GPC6: variants seen among roughly 807,000 people sequenced by gnomAD.
GPC6 encodes the protein glypican-6.
GPC6 carries 14 observed loss-of-function variants against 55.2 expected under a neutral mutation model. The ratio of observed to expected loss-of-function variants is 0.25; its 90% CI spans 0.17 to 0.40. The LOEUF is 0.40. Among genes scored for constraint, GPC6 ranks in the 10% least tolerant of loss-of-function variants. GPC6 has a pLI of 1.00. For missense variants in GPC6, 641 were observed against 708.5 expected, an observed-to-expected ratio of 0.90 and a Z score of 1.08; for synonymous variants, 278 against 259.6, an observed-to-expected ratio of 1.07 and a Z score of -0.68.
intron 4 of GPC6, among the ~76,000 whole-genome samples, chr13:94,039,357 A>T (rs1883451783): frequency 6.6e-6 from 1 of 151,960 alleles, no homozygotes; most frequent in Admixed American, 6.6e-5. Context: ...GTAAGACTAG[A>T]TAGGTCATCT....
chr13:93,237,412 C>G lies in GPC6; in HGVS notation c.160+9796C>G, dbSNP rs11839597. ...CATGTCATTTACACACTTTTTAATG[C>G]GATTATTCATTTTATTCTTGCTGAC... On this transcript the variant is annotated intron_variant, in intron 1 of 8. Transcript: ENST00000377047. 7.5e-3 allele frequency among the ~76,000 whole-genome samples: 1,134 copies of G among 151,820 alleles called. 11 individuals are homozygous for G. The highest frequency in any genetic ancestry group is 0.024 in the African/African-American group (1,007 of 41,404).
chr13:93,915,188 A>G (rs1265027443), intron 3 of GPC6, among the ~76,000 whole-genome samples: 2 of 152,070 alleles, frequency 1.3e-5, no homozygotes, highest in African/African-American at 2.4e-5. Flanking sequence ...TCATTTATTG[A>G]CCTTCAGATC....
At chr13:94,207,649 C>G (rs759702699) in intron 4 of GPC6, among the ~76,000 whole-genome samples, 1 of 151,870 alleles carries the variant, frequency 6.6e-6, no homozygotes, top group Non-Finnish European at 1.5e-5. Context: ...CTTTTTTTCC[C>G]CCTTAGGTGA....
At chr13:93,440,068 G>A (rs931556115) in intron 1 of GPC6, among the ~76,000 whole-genome samples, 13 of 152,128 alleles carry the variant, frequency 8.5e-5, no homozygotes, top group Non-Finnish European at 1.5e-4. Flanking sequence ...CAAGTGCTGC[G>A]GAATCAATAA....
chr13:94,372,448 T>C (rs1485674144), intron 6 of GPC6, among the ~76,000 whole-genome samples: 1 of 151,784 alleles, frequency 6.6e-6, no homozygotes, highest in African/African-American at 2.4e-5. Context: ...AAGAAAGGGG[T>C]GACTGACGGC....
chr13:94,341,543 C>G (rs780624469), intron 6 of GPC6, among the ~76,000 whole-genome samples: 30 of 150,754 alleles, frequency 2.0e-4, no homozygotes, highest in Non-Finnish European at 4.1e-4. Flanking sequence ...CGAGATCACA[C>G]CACTGCACTC....
intron 6 of GPC6, among the ~76,000 whole-genome samples, chr13:94,315,083 A>T (rs1037351098): frequency 6.6e-6 from 1 of 152,230 alleles, no homozygotes; most frequent in Non-Finnish European, 1.5e-5. Flanking sequence ...CTCTGACTTC[A>T]TGGGTATTTT....
At chr13:94,043,596 G>A (rs1304686599) in intron 4 of GPC6, among the ~76,000 whole-genome samples, 1 of 151,712 alleles carries the variant, frequency 6.6e-6, no homozygotes, top group Non-Finnish European at 1.5e-5. Flanking sequence ...ATATCTGTCT[G>A]TGAGTTCATA....
At chr13:93,718,932 A>C (rs1883346705) in intron 2 of GPC6, among the ~76,000 whole-genome samples, 1 of 151,790 alleles carries the variant, frequency 6.6e-6, no homozygotes, top group African/African-American at 2.4e-5. Flanking sequence ...GTTCTATTCC[A>C]TTGTTCTATA....
At chr13:93,287,400 C>T (rs1209960078) in intron 1 of GPC6, among the ~76,000 whole-genome samples, 5 of 152,094 alleles carry the variant, frequency 3.3e-5, no homozygotes, top group East Asian at 1.9e-4. Context: ...GGGGTGAGGC[C>T]GATTCTCGCA....
chr13:94,377,735 A>G (rs1403577318), intron 6 of GPC6, among the ~76,000 whole-genome samples: 1 of 152,206 alleles, frequency 6.6e-6, no homozygotes, highest in East Asian at 1.9e-4. Context: ...TGCTATAAAG[A>G]CACATGCACA....
At chr13:93,994,414 T>C (rs1243700915) in intron 3 of GPC6, among the ~76,000 whole-genome samples, 1 of 152,224 alleles carries the variant, frequency 6.6e-6, no homozygotes. Context: ...AATTATAACA[T>C]TGTGGATTGG....
chr13:94,404,576 AT>A lies in GPC6; in HGVS notation c.*1362del. On this transcript the variant is annotated 3_prime_UTR_variant, in exon 9 of 9. Coordinates refer to ENST00000377047, the MANE Select transcript of GPC6 (RefSeq NM_005708.5). The stretch of plus-strand genomic sequence containing the variant: ...GTATCTAACTGTCCATTTATTAAAA[AT>A]TTGCCAGGGCACACCCTTCTGCATG... 1 of 152,318 alleles carries A rather than the reference AT, an allele frequency of 6.6e-6. No homozygotes were observed. The highest frequency in any genetic ancestry group is 2.1e-4 in the South Asian group (1 of 4,822). 9.4% of individuals were successfully genotyped at this position (152,318 alleles called of 1,614,324 possible).
intron 2 of GPC6, among the ~76,000 whole-genome samples, chr13:93,727,594 T>C (rs568455197): frequency 6.6e-6 from 1 of 152,246 alleles, no homozygotes; most frequent in East Asian, 1.9e-4. Context: ...TCACATCTAC[T>C]CATCTCTGAT....
intron 3 of GPC6, among the ~76,000 whole-genome samples, chr13:93,954,308 G>T (rs1215170844): frequency 6.6e-6 from 1 of 152,034 alleles, no homozygotes; most frequent in Non-Finnish European, 1.5e-5. Flanking sequence ...CATACACAGT[G>T]CCTTTATTTT....
rs565706443 is a variant in GPC6 at position 93,564,885 on chromosome 13, T to C, written c.319+19464T>C. Among the ~76,000 whole-genome samples, 5 of 152,328 alleles carry C rather than the reference T, an allele frequency of 3.3e-5. No homozygotes were observed. In the East Asian group the frequency reaches 9.6e-4, roughly 29 times the overall value. On this transcript the variant is annotated intron_variant, in intron 2 of 8. Transcript: ENST00000377047. ...ACCCTAAGTCTATTTGTTAATTCTC[T>C]GCTGTTGTTTTAAATATTTACAAAT... is the stretch of plus-strand genomic sequence containing the variant.
At chr13:94,157,183 C>G (rs1887980561) in intron 4 of GPC6, among the ~76,000 whole-genome samples, 1 of 152,136 alleles carries the variant, frequency 6.6e-6, no homozygotes, top group Admixed American at 6.6e-5. Flanking sequence ...CTGCCTGGGC[C>G]TTAGCATTCT....
chr13:94,395,272 T>C (rs1168568737), intron 7 of GPC6, among the ~76,000 whole-genome samples: 1 of 152,198 alleles, frequency 6.6e-6, no homozygotes, highest in Non-Finnish European at 1.5e-5. Context: ...ATATGAGATA[T>C]AGTAAAAGGC....
chr13:94,106,290 G>C (rs1387034946), intron 4 of GPC6, among the ~76,000 whole-genome samples: 1 of 151,326 alleles, frequency 6.6e-6, no homozygotes, highest in African/African-American at 2.4e-5. Flanking sequence ...AACAGTGTTA[G>C]ATGCCCTAAG....
Sources: gnomAD v4.1 joint callset for allele counts (sites outside exome capture counted in the v4.1 genomes callset) on GRCh38, gnomAD v4.1.1 for gene constraint, MANE v1.5 for transcripts, NCBI Gene and HGNC (gene_info 2026-07-23, HGNC 2026-07-21) for gene names.